Variants in SLK observed in about 807,000 individuals in gnomAD.
The protein encoded by SLK is STE20-like serine/threonine-protein kinase.
In SLK, 67 loss-of-function variants were observed where a neutral mutation model predicts 147.7. The observed-to-expected ratio is 0.45, with a 90% CI of 0.37 to 0.56. The LOEUF is 0.56. Among genes scored for constraint, SLK ranks in the 20% least tolerant of loss-of-function variants. The pLI, the probability that SLK is intolerant of heterozygous loss-of-function variation, is 0.00. For synonymous variants in SLK, 441 were observed against 475.0 expected, an observed-to-expected ratio of 0.93 and a Z score of 0.93; for missense variants, 1,136 against 1,438.8, an observed-to-expected ratio of 0.79 and a Z score of 3.41.
intron 4 of SLK, among the ~76,000 whole-genome samples, chr10:103,995,431 T>C (rs1161890874): frequency 1.4e-5 from 2 of 145,048 alleles, no homozygotes; most frequent in African/African-American, 2.5e-5. Context: ...TTCTTTTTTT[T>C]TTTTTTTTTT....
chr10:104,020,422 T>C, intron 16 of SLK, 66 bp from the exon 17 acceptor site: 3 of 1,460,988 alleles, frequency 2.1e-6, no homozygotes, highest in Non-Finnish European at 2.8e-6. Context: ...AATTCCTTTA[T>C]ATCTTCAGAA....
At chr10:103,987,994 T>C (rs1385546500) in intron 1 of SLK, among the ~76,000 whole-genome samples, 1 of 152,142 alleles carries the variant, frequency 6.6e-6, no homozygotes, top group Non-Finnish European at 1.5e-5. Context: ...TTATGTGACA[T>C]GGGAGCCCTC....
chr10:104,003,668 C>G, intron 9 of SLK, 141 bp downstream of exon 9: 1 of 753,044 alleles, frequency 1.3e-6, no homozygotes, highest in Non-Finnish European at 2.0e-6. Context: ...CCTATGAAAG[C>G]AATTAAAAAG....
In SLK at chr10:103,967,268, G is replaced by A. The variant is rs947920780; in HGVS notation, c.-478G>A. ...CGCCGCGGGAGCGGACGGCGGCGGAGGAGACCCTAGGCTCGCGGCCCGAGG... is the reference window on the plus strand; with the variant it reads ...CGCCGCGGGAGCGGACGGCGGCGGAAGAGACCCTAGGCTCGCGGCCCGAGG... On this transcript the variant is annotated 5_prime_UTR_variant, in exon 1 of 19. Coordinates refer to ENST00000369755, the MANE Select transcript of SLK (RefSeq NM_014720.4). The A allele has an allele frequency of 6.6e-6, 1 of 150,928 alleles. No individual in the cohort carries two copies. The highest frequency in any genetic ancestry group is 2.4e-5 in the African/African-American group (1 of 41,294). The allele number at this position is 150,928 out of a possible 1,614,324, so 9.3% of individuals were successfully genotyped here.
chr10:104,002,049 T>TA, intron 8 of SLK, 123 bp from the exon 9 acceptor site: 1 of 782,624 alleles, frequency 1.3e-6, no homozygotes, highest in African/African-American at 1.7e-5. Context: ...GAAGAATTGT[T>TA]AATTCTTTAA....
chr10:103,989,662 G>T (rs1304733890), intron 1 of SLK, among the ~76,000 whole-genome samples: 6 of 151,918 alleles, frequency 3.9e-5, no homozygotes, highest in Non-Finnish European at 7.4e-5. Context: ...TAGAGACGGG[G>T]TTTCACCATG....
At chr10:103,998,579 A>G (rs886228423) in intron 4 of SLK, among the ~76,000 whole-genome samples, 3 of 152,206 alleles carry the variant, frequency 2.0e-5, no homozygotes, top group Non-Finnish European at 4.4e-5. Flanking sequence ...ACATAGCACT[A>G]GTTGGCATTT....
intron 15 of SLK, 61 bp downstream of exon 15, chr10:104,018,969 G>A: frequency 1.4e-6 from 2 of 1,457,222 alleles, no homozygotes; most frequent in Non-Finnish European, 1.8e-6. Flanking sequence ...AAGCTATTTA[G>A]TTTTGAAACT....
intron 9 of SLK, among the ~76,000 whole-genome samples, chr10:104,004,959 A>G (rs939069887): frequency 6.6e-6 from 1 of 152,176 alleles, no homozygotes; most frequent in African/African-American, 2.4e-5. Context: ...CCCTAAAATC[A>G]TACATATATC....
chr10:104,017,951 G>T (rs1589546436), intron 13 of SLK, among the ~76,000 whole-genome samples: 1 of 151,408 alleles, frequency 6.6e-6, no homozygotes, highest in Non-Finnish European at 1.5e-5. Flanking sequence ...AGTGAGTTGA[G>T]AATATTATGT....
intron 9 of SLK, among the ~76,000 whole-genome samples, chr10:104,004,196 A>G (rs1386731165): frequency 1.3e-5 from 2 of 152,166 alleles, no homozygotes; most frequent in African/African-American, 4.8e-5. Context: ...GAAGACAGAA[A>G]AGCAGGAACA....
intron 1 of SLK, among the ~76,000 whole-genome samples, chr10:103,971,603 A>T (rs577926034): frequency 8.5e-5 from 13 of 152,380 alleles, no homozygotes; most frequent in African/African-American, 3.1e-4. Flanking sequence ...TTTAACAGAA[A>T]AAAAAGAATG....
intron 13 of SLK, among the ~76,000 whole-genome samples, chr10:104,013,173 T>C (rs1844420807): frequency 1.3e-5 from 2 of 152,274 alleles, no homozygotes; most frequent in Admixed American, 6.5e-5. Flanking sequence ...TTCAAACTTT[T>C]TTTGAGAATT....
intron 17 of SLK, among the ~76,000 whole-genome samples, chr10:104,021,359 TAGAA>T (rs1286665336): frequency 6.6e-6 from 1 of 152,208 alleles, no homozygotes; most frequent in African/African-American, 2.4e-5. Context: ...CAAATCTTCT[TAGAA>T]AGGAAAAACA....
At chr10:103,985,336 C>G (rs534921060) in intron 1 of SLK, among the ~76,000 whole-genome samples, 13 of 152,240 alleles carry the variant, frequency 8.5e-5, no homozygotes, top group African/African-American at 2.6e-4. Context: ...TGTTGTTTGT[C>G]TTTGTGTTTT....
intron 4 of SLK, among the ~76,000 whole-genome samples, chr10:103,994,861 G>A (rs1844146225): frequency 6.6e-6 from 1 of 152,140 alleles, no homozygotes; most frequent in Non-Finnish European, 1.5e-5. Flanking sequence ...TTTGGCAGAT[G>A]AATCCAAAGG....
rs534594942 is a variant in SLK, at chr10:103,980,621, A to G, written c.151-10054A>G. Among the ~76,000 whole-genome samples, 18 of 152,308 alleles carry G rather than the reference A, an allele frequency of 1.2e-4. No individual in the cohort carries two copies. The East Asian group carries it at 2.5e-3, about 21-fold the overall frequency. On this transcript the variant is annotated intron_variant, in intron 1 of 18. Transcript: ENST00000369755. ...TTTGTGACTTAGTTCCTTTAGCGTA[A>G]TGAGCCTTAAGGTTCATCCATGTCA...
intron 1 of SLK, among the ~76,000 whole-genome samples, chr10:103,977,257 A>G (rs1359063421): frequency 6.6e-6 from 1 of 152,200 alleles, no homozygotes; most frequent in Non-Finnish European, 1.5e-5. Context: ...TTAGAAAACA[A>G]AGGTTGAAAA....
At position 104,020,502 on chromosome 10, in the gene SLK, AG is replaced by A; in HGVS notation, c.3337del (p.Glu1113LysfsTer52). ...DKIKQFAAQE[E>X]KRQKNERMAQ... ...CTTATTTATAGTTTGCTGCACAAGA[AG>A]AAAAGAGGCAGAAAAATGAGAGAAT... On this transcript the variant is annotated frameshift_variant, in exon 17 of 19. Transcript: ENST00000369755. LOFTEE classifies it high-confidence loss of function. 2 of 1,613,266 alleles carry A rather than the reference AG, an allele frequency of 1.2e-6. No homozygotes were observed. Among genetic ancestry groups the A allele is most frequent in the Non-Finnish European group, 1.7e-6 (2 of 1,179,604 alleles).
Sources: allele counts gnomAD v4.1 joint callset (sites outside exome capture counted in the v4.1 genomes callset), GRCh38; gene constraint gnomAD v4.1.1; transcripts MANE v1.5; gene names NCBI Gene and HGNC (gene_info 2026-07-23, HGNC 2026-07-21).